Variants in SOX5 observed in about 807,000 individuals in gnomAD.
SOX5 encodes transcription factor SOX-5.
Under a neutral mutation model 92.0 loss-of-function variants are expected in SOX5, and 9 were observed. The observed-to-expected ratio is 0.10, with a 90% CI of 0.06 to 0.17. SOX5 has a LOEUF of 0.17. Ranked by LOEUF, SOX5 falls within the 10% of genes least tolerant of loss-of-function variation. SOX5 has a pLI of 1.00. For synonymous variants in SOX5, 344 were observed against 336.3 expected (o/e 1.02, Z -0.25); for missense variants, 642 against 944.5 (o/e 0.68, Z 4.20).
intron 4 of SOX5, among the ~76,000 whole-genome samples, chr12:24,066,039 C>T (rs1940681680): frequency 6.6e-6 from 1 of 151,814 alleles, no homozygotes; most frequent in African/African-American, 2.4e-5. Flanking sequence ...CCTTAAGGAA[C>T]TTACAGTCTA....
chr12:24,227,385 G>T (rs1962306478), intron 3 of SOX5: 1 of 152,200 alleles, frequency 6.6e-6, no homozygotes, highest in Admixed American at 6.5e-5. Flanking sequence ...CTCTACATGG[G>T]AGGTGAAATT....
chr12:23,696,164 ATTC>A (rs1377984267), intron 6 of SOX5, among the ~76,000 whole-genome samples: 3 of 151,914 alleles, frequency 2.0e-5, no homozygotes, highest in African/African-American at 4.8e-5. Flanking sequence ...ATTAGTATTC[ATTC>A]TTCTTCTACA....
At position 24,462,813 on chromosome 12, in the gene SOX5, A is replaced by C. The variant is rs530218904; in HGVS notation, c.-250-94174T>G. 1.2e-4 allele frequency among the ~76,000 whole-genome samples: 19 copies of C among 152,348 alleles called. No individual in the cohort carries two copies. The South Asian group carries it at 3.3e-3, about 27-fold the overall frequency. On this transcript the variant is annotated intron_variant, in intron 1 of 4. Coordinates refer to the SOX5 transcript ENST00000446891. ...GAATGCTGAATTCAGATAAATTTTA[A>C]TTGTACTAGACTTTGTTGGTAATTT...
intron 4 of SOX5, among the ~76,000 whole-genome samples, chr12:24,055,476 G>A (rs145314119): frequency 2.9e-4 from 44 of 152,352 alleles, no homozygotes; most frequent in African/African-American, 9.9e-4. Flanking sequence ...TCACAACGAA[G>A]TTTCAAACAT....
intron 2 of SOX5, among the ~76,000 whole-genome samples, chr12:23,891,778 T>C (rs750472145): frequency 1.3e-5 from 2 of 152,194 alleles, no homozygotes; most frequent in Non-Finnish European, 2.9e-5. Flanking sequence ...AAATTATTTA[T>C]ATTGAAGAAT....
intron 3 of SOX5, among the ~76,000 whole-genome samples, chr12:23,801,623 A>G (rs1435306612): frequency 1.3e-5 from 2 of 152,178 alleles, no homozygotes; most frequent in Non-Finnish European, 2.9e-5. Flanking sequence ...TGTTCTTTTT[A>G]GCAAAGCATG....
chr12:23,938,187 T>C (rs1942976236), intron 1 of SOX5, among the ~76,000 whole-genome samples: 1 of 151,072 alleles, frequency 6.6e-6, no homozygotes, highest in African/African-American at 2.4e-5. Flanking sequence ...GGATGGCTTC[T>C]GGCTTTCAAC....
chr12:24,123,904 A>G (rs1418323822), intron 4 of SOX5, among the ~76,000 whole-genome samples: 1 of 152,174 alleles, frequency 6.6e-6, no homozygotes, highest in Non-Finnish European at 1.5e-5. Context: ...GGCGATCCCA[A>G]TCTCACTCAC....
chr12:23,702,902 T>C (rs2090864466), intron 6 of SOX5, among the ~76,000 whole-genome samples: 2 of 152,080 alleles, frequency 1.3e-5, no homozygotes, highest in African/African-American at 2.4e-5. Flanking sequence ...TGCAAGCTTA[T>C]AGAATTTCTC....
At chr12:24,207,937 A>G (rs1958188243) in intron 4 of SOX5, among the ~76,000 whole-genome samples, 1 of 152,238 alleles carries the variant, frequency 6.6e-6, no homozygotes, top group South Asian at 2.1e-4. Flanking sequence ...AAAGACTCTC[A>G]AAACAATTCA....
At chr12:24,475,409 C>T (rs1345233313) in intron 1 of SOX5, among the ~76,000 whole-genome samples, 1 of 152,138 alleles carries the variant, frequency 6.6e-6, no homozygotes. Flanking sequence ...TCTTTGCATC[C>T]CCAGCACCTA....
chr12:23,567,463 GA>G (rs1194490889), intron 10 of SOX5, among the ~76,000 whole-genome samples: 5 of 104,284 alleles, frequency 4.8e-5, no homozygotes, highest in South Asian at 3.4e-4. Flanking sequence ...AATTTGATTT[GA>G]TTTTTTTTTT....
intron 1 of SOX5, among the ~76,000 whole-genome samples, chr12:24,387,301 G>A (rs893344783): frequency 1.1e-4 from 16 of 152,176 alleles, no homozygotes; most frequent in African/African-American, 3.6e-4. Flanking sequence ...GCCCAGGACG[G>A]CTTTGAATGT....
intron 2 of SOX5, among the ~76,000 whole-genome samples, chr12:24,339,276 T>C (rs2141052777): frequency 6.6e-6 from 1 of 151,906 alleles, no homozygotes; most frequent in Non-Finnish European, 1.5e-5. Flanking sequence ...TTTGACCTCC[T>C]CTGGAGAATC....
chr12:23,636,949 A>T (rs2079335772), intron 8 of SOX5, among the ~76,000 whole-genome samples: 1 of 152,170 alleles, frequency 6.6e-6, no homozygotes, highest in African/African-American at 2.4e-5. Flanking sequence ...ATAACACAAA[A>T]CGTAATATGA....
At chr12:24,127,514 C>T (rs1052762431) in intron 4 of SOX5, among the ~76,000 whole-genome samples, 1 of 152,094 alleles carries the variant, frequency 6.6e-6, no homozygotes, top group Admixed American at 6.5e-5. Flanking sequence ...TATATTCCTA[C>T]ATTTATCTCT....
intron 4 of SOX5, among the ~76,000 whole-genome samples, chr12:23,753,691 T>G (rs1480736394): frequency 6.6e-6 from 1 of 151,810 alleles, no homozygotes; most frequent in Non-Finnish European, 1.5e-5. Context: ...ACTGTTCTTG[T>G]CTAACTTCTG....
intron 2 of SOX5, among the ~76,000 whole-genome samples, chr12:24,283,791 C>A (rs948718193): frequency 6.6e-6 from 1 of 152,132 alleles, no homozygotes; most frequent in African/African-American, 2.4e-5. Context: ...TAACTAAATG[C>A]AACCAATATG....
intron 1 of SOX5, among the ~76,000 whole-genome samples, chr12:24,534,485 A>C (rs1017981722): frequency 6.6e-6 from 1 of 152,200 alleles, no homozygotes; most frequent in African/African-American, 2.4e-5. Context: ...TTTTTAAGGA[A>C]TCAAAAAAGA....
Sources: allele counts gnomAD v4.1 joint callset (sites outside exome capture counted in the v4.1 genomes callset), GRCh38; gene constraint gnomAD v4.1.1; transcripts MANE v1.5; gene names NCBI Gene and HGNC (gene_info 2026-07-23, HGNC 2026-07-21).